The following SLC8A1 variants were observed in gnomAD, a reference collection of about 807,000 sequenced individuals.
The protein encoded by SLC8A1 is solute carrier family 8 member A1.
Under a neutral mutation model 68.3 loss-of-function variants are expected in SLC8A1, and 18 were observed. The ratio of observed to expected loss-of-function variants is 0.26; its 90% CI spans 0.18 to 0.39. The LOEUF (loss-of-function observed/expected upper bound fraction) is 0.39. SLC8A1 is among the 10% of genes least tolerant of loss of function. SLC8A1 has a pLI of 1.00. For missense variants in SLC8A1, 985 were observed against 1,156.7 expected (o/e 0.85, Z 2.15); for synonymous variants, 475 against 415.5 (o/e 1.14, Z -1.74).
At chr2:40,502,988 A>G (rs1197024688) in intron 1 of SLC8A1, among the ~76,000 whole-genome samples, 1 of 151,942 alleles carries the variant, frequency 6.6e-6, no homozygotes, top group Non-Finnish European at 1.5e-5. Flanking sequence ...TGAGGGGAAA[A>G]TGGTCTGGAA....
intron 1 of SLC8A1, among the ~76,000 whole-genome samples, chr2:40,501,238 C>A (rs773961114): frequency 4.6e-5 from 7 of 152,092 alleles, no homozygotes; most frequent in Non-Finnish European, 5.9e-5. Flanking sequence ...CTTTATCCTT[C>A]TTTACTTTGT....
At chr2:40,393,423 A>G (rs1054015826) in intron 2 of SLC8A1, among the ~76,000 whole-genome samples, 1 of 152,162 alleles carries the variant, frequency 6.6e-6, no homozygotes, top group African/African-American at 2.4e-5. Flanking sequence ...TGTGATATTT[A>G]CAGGTTCAAG....
intron 2 of SLC8A1, among the ~76,000 whole-genome samples, chr2:40,191,753 A>G (rs1255630902): frequency 6.6e-6 from 1 of 152,188 alleles, no homozygotes; most frequent in Non-Finnish European, 1.5e-5. Context: ...TCTGTAAGTA[A>G]GCTTTGAAAA....
At chr2:40,100,812 A>G (rs2033850055) in exon 8 of SLC8A1, 1 of 152,112 alleles carries the variant, frequency 6.6e-6, no homozygotes, top group Non-Finnish European at 1.5e-5. Context: ...CACACGGAAC[A>G]CAGTATCATA....
At chr2:40,348,589 T>A (rs1052367341) in intron 2 of SLC8A1, among the ~76,000 whole-genome samples, 2 of 152,144 alleles carry the variant, frequency 1.3e-5, no homozygotes, top group Non-Finnish European at 2.9e-5. Flanking sequence ...AGTGGTCACG[T>A]TTATTAGAGA....
At chr2:40,258,528 G>C (rs1441610434) in intron 2 of SLC8A1, among the ~76,000 whole-genome samples, 1 of 128,534 alleles carries the variant, frequency 7.8e-6, no homozygotes, top group Non-Finnish European at 1.6e-5. Context: ...TAAGGGCTTT[G>C]ATCTTGTTGG....
At chr2:40,407,716 A>G (rs1576217993) in intron 2 of SLC8A1, among the ~76,000 whole-genome samples, 1 of 152,114 alleles carries the variant, frequency 6.6e-6, no homozygotes, top group South Asian at 2.1e-4. Flanking sequence ...GTTTACCCTT[A>G]TGTCCCCAAC....
At position 40,145,306 on chromosome 2, in the gene SLC8A1, T is replaced by C. The variant is rs546907543; in HGVS notation, c.2162-5630A>G. Among the ~76,000 whole-genome samples, 5 of 152,228 alleles carry C rather than the reference T, an allele frequency of 3.3e-5. No individual in the cohort carries two copies. The East Asian group carries it at 9.7e-4, about 29-fold the overall frequency. On this transcript the variant is annotated intron_variant, in intron 6 of 7. Coordinates refer to ENST00000406785, the Ensembl canonical transcript of SLC8A1. ...ATCATAAGGAATCTCTCCTTTAGAG[T>C]GTGACAAGTTCTTATTTCCATTTCT...
chr2:40,456,325 A>T (rs2373861), upstream of SLC8A1, among the ~76,000 whole-genome samples: 54,248 of 150,152 alleles, frequency 0.36, 10,428 homozygotes, highest in Middle Eastern at 0.45. Context: ...TCAAAAAAAA[A>T]AAAAAAAAAA....
chr2:40,165,879 CA>C (rs564017703), intron 4 of SLC8A1, among the ~76,000 whole-genome samples: 19 of 152,258 alleles, frequency 1.2e-4, no homozygotes, highest in African/African-American at 4.1e-4. Flanking sequence ...ATAAGAAGGG[CA>C]AACACTGGTC....
At chr2:40,418,220 T>C (rs1051272978) in intron 2 of SLC8A1, among the ~76,000 whole-genome samples, 1 of 152,110 alleles carries the variant, frequency 6.6e-6, no homozygotes, top group Non-Finnish European at 1.5e-5. Context: ...TACATTATTT[T>C]ATTTGTTTTA....
chr2:40,318,620 T>C lies in SLC8A1; in HGVS notation c.1808+109853A>G, dbSNP rs145916521. 2.4e-3 allele frequency among the ~76,000 whole-genome samples: 366 copies of C among 152,196 alleles called. 2 individuals carry two copies. Among genetic ancestry groups the C allele is most frequent in the African/African-American group, 8.5e-3 (354 of 41,540 alleles). ...CTGCCTCCAACCATATGGAGTATAG[T>C]GCCCCCTATAAATGTAGACCGTTGC... On this transcript the variant is annotated intron_variant, in intron 2 of 7. Coordinates refer to ENST00000406785, the Ensembl canonical transcript of SLC8A1.
At chr2:40,442,298 C>T (rs1445794650) in intron 1 of SLC8A1, among the ~76,000 whole-genome samples, 1 of 147,422 alleles carries the variant, frequency 6.8e-6, no homozygotes, top group African/African-American at 2.5e-5. Context: ...AAACTAGCAT[C>T]AGAGTGAACA....
intron 2 of SLC8A1, among the ~76,000 whole-genome samples, chr2:40,426,171 G>A (rs1046606731): frequency 1.3e-5 from 2 of 151,782 alleles, no homozygotes; most frequent in African/African-American, 4.8e-5. Flanking sequence ...AAAAATGTAG[G>A]GCTGTAATTT....
intron 2 of SLC8A1, among the ~76,000 whole-genome samples, chr2:40,186,191 T>G (rs570921849): frequency 6.6e-6 from 1 of 152,226 alleles, no homozygotes; most frequent in Admixed American, 6.5e-5. Context: ...GAAATGATTA[T>G]AATCATAAGG....
intron 2 of SLC8A1, among the ~76,000 whole-genome samples, chr2:40,211,751 T>C (rs2056616252): frequency 6.6e-6 from 1 of 152,202 alleles, no homozygotes; most frequent in Non-Finnish European, 1.5e-5. Flanking sequence ...AGGGGCTGGA[T>C]TCAGCAAAGA....
At chr2:40,406,410 GATTACTT>G (rs1690347354) in intron 2 of SLC8A1, among the ~76,000 whole-genome samples, 2 of 152,038 alleles carry the variant, frequency 1.3e-5, no homozygotes, top group Non-Finnish European at 2.9e-5. Flanking sequence ...TAATAAACAT[GATTACTT>G]ATTTATTGTA....
intron 7 of SLC8A1, among the ~76,000 whole-genome samples, chr2:40,132,189 T>C (rs936051631): frequency 2.0e-4 from 30 of 152,106 alleles, no homozygotes; most frequent in African/African-American, 6.5e-4. Context: ...GCATATGCAA[T>C]ACTTTAAAAA....
At chr2:40,494,675 A>ATC (rs1705568998) in intron 1 of SLC8A1, among the ~76,000 whole-genome samples, 3 of 126,498 alleles carry the variant, frequency 2.4e-5, no homozygotes, top group African/African-American at 9.0e-5. Context: ...ATATATATAT[A>ATC]TATATATATC....
Sources: gnomAD v4.1 joint callset for allele counts (sites outside exome capture counted in the v4.1 genomes callset) on GRCh38, gnomAD v4.1.1 for gene constraint, MANE v1.5 for transcripts, NCBI Gene and HGNC (gene_info 2026-07-23, HGNC 2026-07-21) for gene names.